Variants in KIRREL2 observed in about 807,000 individuals in gnomAD.
KIRREL2 encodes the protein kin of IRRE-like protein 2.
A neutral mutation model predicts 73.4 loss-of-function variants in KIRREL2; 56 were observed. That is an observed-to-expected ratio of 0.76 (90% CI 0.62 to 0.95). KIRREL2 has a LOEUF of 0.95. Among genes scored for constraint, KIRREL2 ranks in the 40% least tolerant of loss-of-function variants. The pLI is 0.00. For missense variants in KIRREL2, 896 were observed against 935.0 expected (o/e 0.96, Z 0.54); for synonymous variants, 407 against 404.0 (o/e 1.01, Z -0.09).
upstream of KIRREL2, among the ~76,000 whole-genome samples, chr19:35,852,300 C>T (rs970667613): frequency 2.0e-5 from 3 of 149,130 alleles, no homozygotes; most frequent in African/African-American, 7.7e-5. Context: ...CTTCCTCTCT[C>T]TCTGTCTCTC....
upstream of KIRREL2, among the ~76,000 whole-genome samples, chr19:35,855,268 C>T (rs1973381297): frequency 2.0e-5 from 3 of 152,032 alleles, no homozygotes; most frequent in South Asian, 6.2e-4. Flanking sequence ...GGTGCCAGAG[C>T]GTGGAGCTGT....
In KIRREL2 at chr19:35,858,954, C is replaced by T. The variant is rs1973550648; in HGVS notation, c.522+90C>T. 3.6e-6 allele frequency: 5 copies of T among 1,392,696 alleles called. No homozygotes were observed. The South Asian group carries it at 3.8e-5, about 10-fold the overall frequency. 86.3% of individuals were successfully genotyped at this position (1,392,696 alleles called of 1,614,324 possible). A position where few individuals can be genotyped will look rare whatever the true frequency, so the allele number is the denominator to read the frequency against. ...CAGGCTCATCCAGAAGAGAAGAAGA[C>T]ATGGGAGGGCAGAGGTTCATGGGTT... On this transcript the variant is annotated intron_variant, in intron 4 of 14. Transcript: ENST00000360202.
chr19:35,859,661 G>T, intron 5 of KIRREL2, 30 bp downstream of exon 5: 1 of 1,610,784 alleles, frequency 6.2e-7, no homozygotes, highest in Non-Finnish European at 8.5e-7. Context: ...GGAAAGAGGG[G>T]TGTGGGGCCC....
upstream of KIRREL2, among the ~76,000 whole-genome samples, chr19:35,855,519 C>T (rs1973388386): frequency 6.6e-6 from 1 of 151,530 alleles, no homozygotes; most frequent in Non-Finnish European, 1.5e-5. Flanking sequence ...ACTAGATAAG[C>T]CACACAGAAG....
At position 35,861,598 on chromosome 19, in the gene KIRREL2, G is replaced by A. The variant is rs199689872; in HGVS notation, c.1247G>A (p.Arg416His). ...CCTGCCTTCCTGAGGGGCCCTGCTCGCCTCCAGTGTCTGGTTTTCGCCTCT... is the reference window on the plus strand; with the variant it reads ...CCTGCCTTCCTGAGGGGCCCTGCTCACCTCCAGTGTCTGGTTTTCGCCTCT... ...SAPAFLRGPA[R>H]LQCLVFASPA... Residue 416 changes from arginine to histidine, a missense_variant, in exon 10 of 15, where the codon CGC (arginine) becomes CAC (histidine). Physicochemically the swap from Arg to His is conservative, Grantham distance 29 (BLOSUM62 0). Transcript: ENST00000360202. 1.5e-4 allele frequency: 243 copies of A among 1,613,514 alleles called. 2 individuals are homozygous for A. The East Asian group carries it at 3.9e-3, about 26-fold the overall frequency.
rs574717927 is a variant in KIRREL2, at chr19:35,866,925, G to C, written c.*433G>C. ...CAGGCCCCACCCTGGCTCTCCCTGA[G>C]GGGAACTTTGCTCGGCCAATGGAAA... On this transcript the variant is annotated 3_prime_UTR_variant, in exon 15 of 15. Transcript: ENST00000360202. 4.9e-6 allele frequency: 1 copy of C among 203,442 alleles called. No homozygotes were observed. The highest frequency in any genetic ancestry group is 9.6e-6 in the Non-Finnish European group (1 of 103,676). 12.6% of individuals were successfully genotyped at this position (203,442 alleles called of 1,614,324 possible). A position where few individuals can be genotyped will look rare whatever the true frequency, so the allele number is the denominator to read the frequency against.
At chr19:35,858,995 T>G in intron 4 of KIRREL2, 131 bp downstream of exon 4, 1 of 1,002,304 alleles carries the variant, frequency 1.0e-6, no homozygotes, top group South Asian at 1.6e-5. Flanking sequence ...TCTTGAAATA[T>G]GATGCAGGGT....
At position 35,865,173 on chromosome 19, in the gene KIRREL2, C is replaced by CTTTTTTTT. The variant is rs35569940; in HGVS notation, c.1791+473_1791+480dup. Among the ~76,000 whole-genome samples the CTTTTTTTT allele has an allele frequency of 2.8e-4, 29 of 105,168 alleles. 1 individual carries two copies. The highest frequency in any genetic ancestry group is 6.3e-4 in the African/African-American group (16 of 25,396). The allele number at this position is 105,168 out of a possible 152,430, so 69.0% of individuals were successfully genotyped here. A position where few individuals can be genotyped will look rare whatever the true frequency, so the allele number is the denominator to read the frequency against. On this transcript the variant is annotated intron_variant, in intron 14 of 14. Coordinates refer to ENST00000360202, the MANE Select transcript of KIRREL2 (RefSeq NM_199180.4). The stretch of plus-strand genomic sequence containing the variant: ...CCTAGCACATGCCATTCTCTCTCTT[C>CTTTTTTTT]TTTTTTTTTTTTTTTTTTTTGAGAC...
rs371773091 is a variant in KIRREL2, at chr19:35,859,469, C to G, written c.523-12C>G. 19 of 1,611,366 alleles carry G rather than the reference C, an allele frequency of 1.2e-5. No homozygotes were observed. The highest frequency in any genetic ancestry group is 1.4e-5 in the Non-Finnish European group (16 of 1,177,898). ...GGGTAGATGGCATTATTATTCTTAT[C>G]CTTCCCTCCAGACCCTGCTGAAGGA... On this transcript the variant is annotated splice_polypyrimidine_tract_variant and intron_variant, in intron 4 of 14. Transcript: ENST00000360202.
Position 35,858,391 on chromosome 19 carries a change from C to T in KIRREL2, c.212-17C>T, listed in dbSNP as rs1568461834. Reference sequence around the variant, plus strand: ...TTCAGAACCATGGTGTGCTGACTGCCTTCTCCCTGACTCCAGGGTGGTCCC... The same window carrying T: ...TTCAGAACCATGGTGTGCTGACTGCTTTCTCCCTGACTCCAGGGTGGTCCC... On this transcript the variant is annotated splice_polypyrimidine_tract_variant and intron_variant, in intron 2 of 14. Coordinates refer to ENST00000360202, the MANE Select transcript of KIRREL2 (RefSeq NM_199180.4). 2 of 1,608,248 alleles carry T rather than the reference C, an allele frequency of 1.2e-6. No homozygotes were observed. The highest frequency in any genetic ancestry group is 3.3e-5 in the Admixed American group (2 of 59,922).
At position 35,857,053 on chromosome 19, in the gene KIRREL2, T is replaced by C; in HGVS notation, c.-67T>C. 6.5e-7 allele frequency: 1 copy of C among 1,533,328 alleles called. No homozygotes were observed. The highest frequency in any genetic ancestry group is 9.0e-7 in the Non-Finnish European group (1 of 1,107,036). 95.0% of individuals were successfully genotyped at this position (1,533,328 alleles called of 1,614,324 possible). On this transcript the variant is annotated 5_prime_UTR_variant, in exon 1 of 15. Coordinates refer to ENST00000360202, the MANE Select transcript of KIRREL2 (RefSeq NM_199180.4). ...CTCCGGGCCAGGGTGACAGGAGGCG[T>C]GCTTGAGAGGAAGAAGTTGACGGGA...
chr19:35,866,596 G>A lies in KIRREL2; in HGVS notation c.*104G>A. On this transcript the variant is annotated 3_prime_UTR_variant, in exon 15 of 15. Transcript: ENST00000360202. ...TTGGCGACCTTACTCCTCCAAAACT[G>A]AACACAAGGGGAGGGAAAGATCATT... The A allele has an allele frequency of 1.3e-6, 2 of 1,485,874 alleles. No homozygotes were observed. The highest frequency in any genetic ancestry group is 1.9e-5 in the Admixed American group (1 of 52,468). 92.0% of individuals were successfully genotyped at this position (1,485,874 alleles called of 1,614,324 possible).
At position 35,858,800 on chromosome 19, in the gene KIRREL2, G is replaced by T; in HGVS notation, c.458G>T (p.Arg153Leu). 1.2e-6 allele frequency: 2 copies of T among 1,614,170 alleles called. No individual in the cohort carries two copies. The highest frequency in any genetic ancestry group is 1.7e-6 in the Non-Finnish European group (2 of 1,180,036). Residue 153 changes from arginine (R) to leucine (L), a missense_variant, in exon 4 of 15, where the codon CGC (arginine) becomes CTC (leucine). Arg to Leu is a moderately radical substitution (Grantham distance 102). Coordinates refer to ENST00000360202, the MANE Select transcript of KIRREL2 (RefSeq NM_199180.4). ...NLTCRSRGDA[R>L]PTPELLWFRD... ...ACATGTCGGAGCCGTGGGGATGCCCGCCCTACCCCTGAATTGCTGTGGTTC... is the reference window on the plus strand; with the variant it reads ...ACATGTCGGAGCCGTGGGGATGCCCTCCCTACCCCTGAATTGCTGTGGTTC...
chr19:35,856,481 T>C (rs451846), upstream of KIRREL2: 9,267 of 159,768 alleles, frequency 0.058, 834 homozygotes, highest in African/African-American at 0.2. The surrounding 1 kb of genome is among the most constrained non-coding windows in gnomAD (Gnocchi z 5.9). Context: ...CAGGTATCGG[T>C]GTGCCCTCTT....
rs1347156534 is a variant in KIRREL2 at position 35,866,896 on chromosome 19, A to G, written c.*404A>G. On this transcript the variant is annotated 3_prime_UTR_variant, in exon 15 of 15. Coordinates refer to ENST00000360202, the MANE Select transcript of KIRREL2 (RefSeq NM_199180.4). ...CATAGGATAGATGAAGATGAAGAGC[A>G]TACCAGGCCCCACCCTGGCTCTCCC... The G allele has an allele frequency of 4.2e-6, 1 of 239,528 alleles. No individual in the cohort carries two copies. Among genetic ancestry groups the G allele is most frequent in the African/African-American group, 2.3e-5 (1 of 42,922 alleles). 14.8% of individuals were successfully genotyped at this position (239,528 alleles called of 1,614,324 possible).
chr19:35,859,777 GCTCACGCCTGTA>G (rs1485568260), intron 5 of KIRREL2, 146 bp downstream of exon 5: 2 of 938,502 alleles, frequency 2.1e-6, no homozygotes, highest in Non-Finnish European at 1.6e-6. Context: ...GGGTATGGTA[GCTCACGCCTGTA>G]CTCACAGAAC....
rs1304564871 is a variant in KIRREL2, at chr19:35,866,600, A to G, written c.*108A>G. 10 of 1,465,314 alleles carry G rather than the reference A, an allele frequency of 6.8e-6. No homozygotes were observed. The highest frequency in any genetic ancestry group is 3.9e-5 in the Admixed American group (2 of 51,432). 90.8% of individuals were successfully genotyped at this position (1,465,314 alleles called of 1,614,324 possible). A position where few individuals can be genotyped will look rare whatever the true frequency, so the allele number is the denominator to read the frequency against. On this transcript the variant is annotated 3_prime_UTR_variant, in exon 15 of 15. Coordinates refer to ENST00000360202, the MANE Select transcript of KIRREL2 (RefSeq NM_199180.4). Reference sequence around the variant, plus strand: ...CGACCTTACTCCTCCAAAACTGAACACAAGGGGAGGGAAAGATCATTACAT... The same window carrying G: ...CGACCTTACTCCTCCAAAACTGAACGCAAGGGGAGGGAAAGATCATTACAT...
upstream of KIRREL2, among the ~76,000 whole-genome samples, chr19:35,852,097 C>CTTT (rs10566018): frequency 8.2e-6 from 1 of 121,596 alleles, no homozygotes; most frequent in Non-Finnish European, 1.8e-5. Flanking sequence ...TTTTTTTTTT[C>CTTT]TTTTTTTTTT....
chr19:35,853,657 C>T (rs1052502137), upstream of KIRREL2, among the ~76,000 whole-genome samples: 3 of 151,970 alleles, frequency 2.0e-5, no homozygotes, highest in Admixed American at 2.0e-4. Flanking sequence ...GTGCACACCA[C>T]CACTCCAGCT....
Sources: gnomAD v4.1 joint callset for allele counts (sites outside exome capture counted in the v4.1 genomes callset) on GRCh38, gnomAD v4.1.1 for gene constraint, Gnocchi (gnomAD v3.1) non-coding constraint, MANE v1.5 for transcripts, NCBI Gene and HGNC (gene_info 2026-07-23, HGNC 2026-07-21) for gene names.